Variants in ADAMTS3 observed in about 807,000 individuals in gnomAD.
The protein encoded by ADAMTS3 is A disintegrin and metalloproteinase with thrombospondin motifs 3.
ADAMTS3 carries 73 observed loss-of-function variants against 129.0 expected under a neutral mutation model. That is an observed-to-expected ratio of 0.57 (90% CI 0.47 to 0.69). The LOEUF (loss-of-function observed/expected upper bound fraction) is 0.69, where lower values mean the gene tolerates loss of function less well. Ranked by LOEUF, ADAMTS3 falls within the 30% of genes least tolerant of loss-of-function variation. The pLI, the probability that ADAMTS3 is intolerant of heterozygous loss-of-function variation, is 0.00. For synonymous variants in ADAMTS3, 477 were observed against 510.8 expected (o/e 0.93, Z 0.89); for missense variants, 1,457 against 1,514.5 (o/e 0.96, Z 0.63).
At chr4:72,565,033 T>A (rs1031874112) in intron 2 of ADAMTS3, among the ~76,000 whole-genome samples, 7 of 152,312 alleles carry the variant, frequency 4.6e-5, no homozygotes, top group Non-Finnish European at 1.0e-4. Flanking sequence ...ATCCAGCTGC[T>A]GACTGCTGAC....
At chr4:72,560,953 T>TTA (rs1156573527) in intron 2 of ADAMTS3, among the ~76,000 whole-genome samples, 1 of 151,792 alleles carries the variant, frequency 6.6e-6, no homozygotes, top group Non-Finnish European at 1.5e-5. Context: ...GAGTTAGGAC[T>TTA]TTAAACTACT....
chr4:72,314,931 T>C (rs958816116), intron 11 of ADAMTS3, among the ~76,000 whole-genome samples: 2 of 152,222 alleles, frequency 1.3e-5, no homozygotes, highest in African/African-American at 4.8e-5. Context: ...ATTTCTAAAC[T>C]AGTCAAAGCT....
rs568405518 is a variant in ADAMTS3 at position 72,505,411 on chromosome 4, G to C, written c.504+43067C>G. ...ATGCAATTTGACCTATAAGTCAGTAGATGGCGCTTATGGGTAAGAGCCGGC... is the reference window on the plus strand; with the variant it reads ...ATGCAATTTGACCTATAAGTCAGTACATGGCGCTTATGGGTAAGAGCCGGC... On this transcript the variant is annotated intron_variant, in intron 3 of 21. Transcript: ENST00000286657. 7.2e-5 allele frequency among the ~76,000 whole-genome samples: 11 copies of C among 152,280 alleles called. No individual in the cohort carries two copies. In the South Asian group the frequency reaches 2.1e-3, roughly 29 times the overall value.
intron 4 of ADAMTS3, among the ~76,000 whole-genome samples, chr4:72,370,623 A>G (rs1282972594): frequency 6.6e-6 from 1 of 152,016 alleles, no homozygotes; most frequent in Non-Finnish European, 1.5e-5. Context: ...GGTGGCGCAC[A>G]CCTGTAGTCT....
At position 72,400,407 on chromosome 4, in the gene ADAMTS3, C is replaced by A. The variant is rs1427558088; in HGVS notation, c.661+14408G>T. Among the ~76,000 whole-genome samples, 2 of 88,700 alleles carry A rather than the reference C, an allele frequency of 2.3e-5. 1 individual carries two copies. Among genetic ancestry groups the A allele is most frequent in the Non-Finnish European group, 4.6e-5 (2 of 43,706 alleles). The allele number at this position is 88,700 out of a possible 152,430, so 58.2% of individuals were successfully genotyped here. On this transcript the variant is annotated intron_variant, in intron 4 of 21. Coordinates refer to ENST00000286657, the MANE Select transcript of ADAMTS3 (RefSeq NM_014243.3). ...ATATACGTGTGCATAGATATGCACA[C>A]GGTGTGTATATATACGTGTGCATAG... is the stretch of plus-strand genomic sequence containing the variant.
intron 3 of ADAMTS3, among the ~76,000 whole-genome samples, chr4:72,487,448 C>T (rs971036705): frequency 1.3e-5 from 2 of 152,054 alleles, no homozygotes; most frequent in Non-Finnish European, 2.9e-5. Context: ...AGTCAAAGAA[C>T]CAATCAGCAA....
intron 2 of ADAMTS3, among the ~76,000 whole-genome samples, chr4:72,557,340 G>A (rs974425029): frequency 1.4e-4 from 22 of 151,826 alleles, no homozygotes; most frequent in African/African-American, 2.4e-4. Context: ...CAGCAAAGCC[G>A]TAAACACTTA....
intron 17 of ADAMTS3, among the ~76,000 whole-genome samples, chr4:72,298,992 A>G (rs1328478851): frequency 6.6e-6 from 1 of 151,418 alleles, no homozygotes; most frequent in African/African-American, 2.4e-5. Flanking sequence ...TCATAATTCT[A>G]CCTAACTAGA....
chr4:72,415,006 G>A, intron 3 of ADAMTS3, 35 bp from the exon 4 acceptor site: 1 of 1,365,076 alleles, frequency 7.3e-7, no homozygotes, highest in South Asian at 1.9e-5. Context: ...ATTTAAAAAA[G>A]AAATATCTAT....
chr4:72,502,390 GT>G (rs1277938474), intron 3 of ADAMTS3, among the ~76,000 whole-genome samples: 1 of 152,110 alleles, frequency 6.6e-6, no homozygotes, highest in East Asian at 1.9e-4. Context: ...AGATTTTCTA[GT>G]TTGTGTGTAC....
chr4:72,315,152 A>C (rs1342716392), intron 11 of ADAMTS3, among the ~76,000 whole-genome samples: 1 of 152,232 alleles, frequency 6.6e-6, no homozygotes, highest in Admixed American at 6.5e-5. Flanking sequence ...AAGGAATGGC[A>C]TGCCAGCAAG....
At chr4:72,557,712 C>T (rs1721803983) in intron 2 of ADAMTS3, among the ~76,000 whole-genome samples, 1 of 151,660 alleles carries the variant, frequency 6.6e-6, no homozygotes, top group African/African-American at 2.4e-5. Context: ...AAGAACAACA[C>T]ATTCTTTACT....
intron 3 of ADAMTS3, among the ~76,000 whole-genome samples, chr4:72,482,459 T>C (rs1418579439): frequency 6.6e-6 from 1 of 151,622 alleles, no homozygotes; most frequent in Non-Finnish European, 1.5e-5. Context: ...GTTCTGGAAA[T>C]GACAAAAATG....
At chr4:72,369,449 G>A (rs1169086739) in intron 4 of ADAMTS3, among the ~76,000 whole-genome samples, 1 of 152,098 alleles carries the variant, frequency 6.6e-6, no homozygotes, top group Non-Finnish European at 1.5e-5. Context: ...GGTGGCTCAC[G>A]ACTGTAATCC....
chr4:72,542,972 G>A (rs751186037), intron 3 of ADAMTS3, among the ~76,000 whole-genome samples: 27 of 151,764 alleles, frequency 1.8e-4, no homozygotes, highest in African/African-American at 6.3e-4. Flanking sequence ...TTTTTCTCTC[G>A]GAAAGATATA....
intron 3 of ADAMTS3, among the ~76,000 whole-genome samples, chr4:72,515,563 G>T (rs530762796): frequency 1.5e-4 from 23 of 148,674 alleles, no homozygotes; most frequent in African/African-American, 5.2e-4. Flanking sequence ...TTGTGGTTTT[G>T]ATTTGCATTT....
chr4:72,352,975 G>A (rs1227646899), intron 4 of ADAMTS3, among the ~76,000 whole-genome samples: 1 of 151,910 alleles, frequency 6.6e-6, no homozygotes, highest in Non-Finnish European at 1.5e-5. Flanking sequence ...GATTTCCTGG[G>A]GCAATTCTGT....
At chr4:72,424,480 A>G (rs1722522306) in intron 3 of ADAMTS3, among the ~76,000 whole-genome samples, 2 of 152,072 alleles carry the variant, frequency 1.3e-5, no homozygotes, top group South Asian at 4.1e-4. Flanking sequence ...CCTAATCTCC[A>G]TTACCAAATC....
At chr4:72,296,197 C>T (rs1718803530) in intron 18 of ADAMTS3, among the ~76,000 whole-genome samples, 1 of 151,944 alleles carries the variant, frequency 6.6e-6, no homozygotes, top group African/African-American at 2.4e-5. Context: ...CTTAGAGGAT[C>T]AGTACTTTTC....
Sources: allele counts gnomAD v4.1 joint callset (sites outside exome capture counted in the v4.1 genomes callset), GRCh38; gene constraint gnomAD v4.1.1; transcripts MANE v1.5; gene names NCBI Gene and HGNC (gene_info 2026-07-23, HGNC 2026-07-21).